The following PDE3B variants were observed in gnomAD, a reference collection of about 807,000 sequenced individuals.
PDE3B encodes the protein cGMP-inhibited 3',5'-cyclic phosphodiesterase 3B.
Under a neutral mutation model 116.8 loss-of-function variants are expected in PDE3B, and 66 were observed. The observed-to-expected ratio is 0.56, with a 90% CI of 0.46 to 0.69. The LOEUF is 0.69. Ranked by LOEUF, PDE3B falls within the 30% of genes least tolerant of loss-of-function variation. The pLI, the probability that PDE3B is intolerant of heterozygous loss-of-function variation, is 0.00. For synonymous variants in PDE3B, 595 were observed against 533.6 expected (o/e 1.12, Z -1.59); for missense variants, 1,384 against 1,368.1 (o/e 1.01, Z -0.18).
At chr11:14,657,682 A>G (rs1418920808) in intron 1 of PDE3B, among the ~76,000 whole-genome samples, 1 of 152,220 alleles carries the variant, frequency 6.6e-6, no homozygotes, top group Non-Finnish European at 1.5e-5. Flanking sequence ...ATTACTGGGC[A>G]TTCTGCTAGG....
intron 1 of PDE3B, among the ~76,000 whole-genome samples, chr11:14,715,038 G>C (rs1855835573): frequency 6.6e-6 from 1 of 152,028 alleles, no homozygotes; most frequent in Non-Finnish European, 1.5e-5. Flanking sequence ...TTAATTAATT[G>C]TTTATGTTCT....
chr11:14,678,171 T>A (rs1307210049), intron 1 of PDE3B, among the ~76,000 whole-genome samples: 1 of 152,122 alleles, frequency 6.6e-6, no homozygotes, highest in Non-Finnish European at 1.5e-5. Flanking sequence ...AGTTATTCAC[T>A]TGTCTTAGCC....
the PDE3B span, among the ~76,000 whole-genome samples, chr11:14,896,420 C>T: frequency 2.6e-5 from 4 of 152,144 alleles, no homozygotes; most frequent in Non-Finnish European, 5.9e-5. Context: ...CAAAATCAGC[C>T]ATGGTCCCTG....
Position 14,644,840 on chromosome 11 carries a change from T to C in PDE3B, c.765T>C (p.Ala255=). ...RPLLSGLVGG[A]GCLLALGLDH... is the part of the protein sequence containing the mutation. Reference sequence around the variant, plus strand: ...TGCTCTCCGGCCTGGTGGGGGGCGCTGGCTGCCTGCTGGCCCTGGGGTTGG... The same window carrying C: ...TGCTCTCCGGCCTGGTGGGGGGCGCCGGCTGCCTGCTGGCCCTGGGGTTGG... Residue 255 remains alanine (A), a synonymous_variant, in exon 1 of 16, where the codon GCT becomes GCC. Transcript: ENST00000282096. 2.5e-6 allele frequency: 4 copies of C among 1,612,338 alleles called. No homozygotes were observed. The highest frequency in any genetic ancestry group is 3.4e-6 in the Non-Finnish European group (4 of 1,179,076).
intron 9 of PDE3B, 132 bp downstream of exon 9, chr11:14,831,909 AAAT>A (rs2133963295): frequency 1.8e-6 from 1 of 544,304 alleles, no homozygotes; most frequent in East Asian, 3.5e-5. Flanking sequence ...TTTCAGAAAA[AAAT>A]AAATATATAC....
Position 14,843,846 on chromosome 11 carries a change from C to T in PDE3B, c.2340C>T (p.Asn780=), listed in dbSNP as rs1322300158. The change falls in exon 12 of 16, where the codon AAC becomes AAT. Residue 780 remains asparagine, a synonymous_variant. Transcript: ENST00000282096. The stretch of plus-strand genomic sequence containing the variant: ...TCTCAGATTCTGATGGTAGAATTAA[C>T]CATGGGCGAATTGCTTATATTTCTT... ...GNETDSDGRI[N]HGRIAYISSK... 2 of 1,613,560 alleles carry T rather than the reference C, an allele frequency of 1.2e-6. No individual in the cohort carries two copies. Among genetic ancestry groups the T allele is most frequent in the Middle Eastern group, 1.6e-4 (1 of 6,084 alleles).
At chr11:14,891,051 C>T in the PDE3B span, 1 of 985,318 alleles carries the variant, frequency 1.0e-6, no homozygotes, top group Admixed American at 6.1e-5. Context: ...TAGCGTCAGG[C>T]CTGTAGTTGC....
intron 1 of PDE3B, among the ~76,000 whole-genome samples, chr11:14,740,236 T>G (rs1856723468): frequency 2.6e-5 from 4 of 152,200 alleles, no homozygotes; most frequent in Admixed American, 2.6e-4. Context: ...GGTCCTGGAC[T>G]TTTTTTGGTT....
intron 1 of PDE3B, among the ~76,000 whole-genome samples, chr11:14,764,984 T>C (rs1590125657): frequency 1.3e-5 from 2 of 152,136 alleles, no homozygotes; most frequent in African/African-American, 4.8e-5. Flanking sequence ...ATAGCTTTAG[T>C]TAGTTTAACT....
chr11:14,891,933 C>T, the PDE3B span: 6 of 1,591,220 alleles, frequency 3.8e-6, no homozygotes, highest in African/African-American at 2.7e-5. Flanking sequence ...CTGGCCAGCC[C>T]GGGCCAGCCT....
intron 5 of PDE3B, among the ~76,000 whole-genome samples, chr11:14,807,115 G>T (rs1025638601): frequency 6.6e-6 from 1 of 152,014 alleles, no homozygotes; most frequent in African/African-American, 2.4e-5. Flanking sequence ...CTGAGGCTGG[G>T]GGGCTGGGGG....
At position 14,859,058 on chromosome 11, in the gene PDE3B, G is replaced by A. The variant is rs1847899574; in HGVS notation, c.2536G>A (p.Asp846Asn). ...TNAPQAVLYNDRSVLENHHAA... is the reference protein window; with the variant it reads ...TNAPQAVLYNNRSVLENHHAA... ...TTCTTTTTAGGCAGTTTTATACAAT[G>A]ACAGATCTGTTCTGGAAAATCATCA... The change falls in exon 13 of 16, where the codon GAC becomes AAC. Residue 846 changes from aspartate to asparagine, a missense_variant. By Grantham distance (23) the Asp-to-Asn change is conservative. This residue lies in a region of PDE3B where 428 missense variants were observed against 561.4 expected (regional missense o/e 0.76). Coordinates refer to ENST00000282096, the MANE Select transcript of PDE3B (RefSeq NM_000922.4). The A allele has an allele frequency of 1.2e-6, 2 of 1,611,748 alleles. No homozygotes were observed. The highest frequency in any genetic ancestry group is 1.7e-5 in the Admixed American group (1 of 59,846).
At chr11:14,704,936 A>T (rs556305820) in intron 1 of PDE3B, among the ~76,000 whole-genome samples, 98 of 151,828 alleles carry the variant, frequency 6.5e-4, no homozygotes, top group African/African-American at 2.1e-3. Context: ...GGGTTAACAT[A>T]GGAAAAATAT....
intron 1 of PDE3B, among the ~76,000 whole-genome samples, chr11:14,743,481 T>A (rs1440930045): frequency 6.6e-6 from 1 of 152,198 alleles, no homozygotes; most frequent in Non-Finnish European, 1.5e-5. Context: ...AGCCAATGGA[T>A]CCCAGCTTGT....
the PDE3B span, chr11:14,891,811 G>C: frequency 1.4e-6 from 2 of 1,422,106 alleles, no homozygotes; most frequent in Non-Finnish European, 1.8e-6. Flanking sequence ...ACGGCGTCGA[G>C]GACTTCTCCC....
chr11:14,700,898 C>T (rs1855341007), intron 1 of PDE3B: 3 of 151,774 alleles, frequency 2.0e-5, no homozygotes, highest in Admixed American at 6.6e-5. Context: ...GTATCAATTA[C>T]TACTTGTATA....
chr11:14,893,625 C>G, the PDE3B span, among the ~76,000 whole-genome samples: 1 of 152,034 alleles, frequency 6.6e-6, no homozygotes, highest in African/African-American at 2.4e-5. Flanking sequence ...GGCTTTCGTC[C>G]CCATTCCTTC....
intron 12 of PDE3B, among the ~76,000 whole-genome samples, chr11:14,851,014 G>A (rs1847737968): frequency 6.7e-6 from 1 of 148,206 alleles, no homozygotes; most frequent in African/African-American, 2.5e-5. Flanking sequence ...TAGTAGAGAC[G>A]GGGTTTCACT....
chr11:14,725,307 T>C lies in PDE3B; in HGVS notation c.979-46630T>C, dbSNP rs557805718. Among the ~76,000 whole-genome samples the C allele has an allele frequency of 3.4e-3, 376 of 111,584 alleles. 1 individual carries two copies. Among genetic ancestry groups the C allele is most frequent in the African/African-American group, 0.011 (325 of 29,302 alleles). 73.2% of individuals were successfully genotyped at this position (111,584 alleles called of 152,430 possible). A position where few individuals can be genotyped will look rare whatever the true frequency, so the allele number is the denominator to read the frequency against. On this transcript the variant is annotated intron_variant, in intron 1 of 15. Coordinates refer to ENST00000282096, the MANE Select transcript of PDE3B (RefSeq NM_000922.4). ...TCTTTCTTTTTCTTTCTTTCTTTCT[T>C]TCTCTTTCTTTCTTTCTTTCTTTTT...
Sources: gnomAD v4.1 joint callset for allele counts (sites outside exome capture counted in the v4.1 genomes callset) on GRCh38, gnomAD v4.1.1 for gene constraint, gnomAD v4.1.1 regional missense constraint, MANE v1.5 for transcripts, NCBI Gene and HGNC (gene_info 2026-07-23, HGNC 2026-07-21) for gene names.